SNX31: variants seen among roughly 807,000 people sequenced by gnomAD.
SNX31 encodes sorting nexin-31.
Under a neutral mutation model 65.4 loss-of-function variants are expected in SNX31, and 58 were observed. The ratio of observed to expected loss-of-function variants is 0.89; its 90% CI spans 0.72 to 1.10. SNX31 has a LOEUF of 1.10. Among genes scored for constraint, SNX31 ranks in the 50% least tolerant of loss-of-function variants. The probability of loss-of-function intolerance (pLI) is 0.00; values close to 1 mark genes in which losing one functional copy is unlikely to be tolerated. For missense variants in SNX31, 523 were observed against 529.7 expected (o/e 0.99, Z 0.12); for synonymous variants, 181 against 190.1 (o/e 0.95, Z 0.39).
intron 4 of SNX31, among the ~76,000 whole-genome samples, chr8:100,621,544 T>C (rs1230158816): frequency 6.6e-6 from 1 of 152,210 alleles, no homozygotes; most frequent in Non-Finnish European, 1.5e-5. Context: ...TGAGACCATC[T>C]CCATCTTACC....
chr8:100,635,461 G>C (rs1432146276), intron 3 of SNX31, among the ~76,000 whole-genome samples: 1 of 144,862 alleles, frequency 6.9e-6, no homozygotes, highest in Non-Finnish European at 1.5e-5. Flanking sequence ...GGCTGGTCTT[G>C]AACTCCTGGC....
At chr8:100,581,311 T>TTATATATATATATA (rs1554570412) in intron 12 of SNX31, among the ~76,000 whole-genome samples, 2 of 122,686 alleles carry the variant, frequency 1.6e-5, no homozygotes, top group African/African-American at 9.3e-5. Flanking sequence ...AAAAAATTTT[T>TTATATATATATATA]TATATATCTA....
At chr8:100,615,939 T>C (rs1323351496) in intron 5 of SNX31, among the ~76,000 whole-genome samples, 2 of 151,940 alleles carry the variant, frequency 1.3e-5, no homozygotes, top group Non-Finnish European at 2.9e-5. Context: ...CCGGCTAATT[T>C]TTTTTTTGTA....
At chr8:100,627,531 C>T in intron 4 of SNX31, among the ~76,000 whole-genome samples, 1 of 152,242 alleles carries the variant, frequency 6.6e-6, no homozygotes, top group Admixed American at 6.5e-5. Context: ...TCTAAAAGAG[C>T]AACGTCAATT....
intron 10 of SNX31, among the ~76,000 whole-genome samples, chr8:100,589,511 GA>G (rs1349968451): frequency 6.6e-6 from 1 of 152,174 alleles, no homozygotes; most frequent in East Asian, 1.9e-4. Context: ...GAGGGCAAAG[GA>G]AGACTTCCTG....
In SNX31 at chr8:100,622,169, T is replaced by TC. The variant is rs1209527988; in HGVS notation, c.322-4440dup. Among the ~76,000 whole-genome samples the TC allele has an allele frequency of 6.6e-6, 1 of 152,224 alleles. No homozygotes were observed. The highest frequency in any genetic ancestry group is 2.4e-5 in the African/African-American group (1 of 41,456). ...TTGTAGAATGTTGTTGGCTTTTTTT[T>TC]CACGCTTAATTAGTTTAAAGCCAGG... On this transcript the variant is annotated intron_variant, in intron 4 of 13. Transcript: ENST00000311812. The surrounding 1 kb of genome is among the most constrained non-coding windows in gnomAD (Gnocchi z 5.0).
At chr8:100,636,047 G>GCC (rs767232123) in intron 2 of SNX31, 36 bp from the exon 3 acceptor site, 1 of 1,511,748 alleles carries the variant, frequency 6.6e-7, no homozygotes, top group South Asian at 1.1e-5. Flanking sequence ...AGGCAGGTGA[G>GCC]CCGCCAGTTC....
rs1260789037 is a variant in SNX31 at position 100,575,721 on chromosome 8, T to C, written c.1227+1298A>G. On this transcript the variant is annotated intron_variant, in intron 13 of 13. Transcript: ENST00000311812. This position sits in a 1 kb window ranked among gnomAD's most constrained non-coding sequence, Gnocchi z 5.1. ...ATCCACGTGATACAGATGCTGTTGG[T>C]CCAGGGACCACACACTGAGAACTGG... Among the ~76,000 whole-genome samples, 1 of 152,224 alleles carries C rather than the reference T, an allele frequency of 6.6e-6. No individual in the cohort carries two copies. Among genetic ancestry groups the C allele is most frequent in the Non-Finnish European group, 1.5e-5 (1 of 68,034 alleles).
intron 8 of SNX31, 41 bp downstream of exon 8, chr8:100,608,453 C>T (rs1173929254): frequency 1.9e-6 from 3 of 1,600,934 alleles, no homozygotes; most frequent in Non-Finnish European, 2.6e-6. Context: ...CCAACATGGC[C>T]TATGATCTAC....
rs1818345640 is a variant in SNX31, at chr8:100,630,551, A to G, written c.257-160T>C. 6.6e-6 allele frequency among the ~76,000 whole-genome samples: 1 copy of G among 152,166 alleles called. No individual in the cohort carries two copies. Among genetic ancestry groups the G allele is most frequent in the Non-Finnish European group, 1.5e-5 (1 of 68,020 alleles). On this transcript the variant is annotated intron_variant, in intron 3 of 13. Coordinates refer to ENST00000311812, the MANE Select transcript of SNX31 (RefSeq NM_152628.4). This position sits in a 1 kb window ranked among gnomAD's most constrained non-coding sequence, Gnocchi z 5.3. The stretch of plus-strand genomic sequence containing the variant: ...CTCTCAAATACAGGAAAACCCCCAA[A>G]GCTTGCCTCCTATAGGCAGCCTTAA...
rs1340267704 is a variant in SNX31 at position 100,594,089 on chromosome 8, G to A, written c.978+2550C>T. The stretch of plus-strand genomic sequence containing the variant: ...AGGCCGAAGCAGGCAGATTGTTTGA[G>A]GTCAGGAGTTTGAGACCAGCCAGGA... On this transcript the variant is annotated intron_variant, in intron 10 of 13. Transcript: ENST00000311812. The surrounding 1 kb of genome is among the most constrained non-coding windows in gnomAD (Gnocchi z 4.0). Among the ~76,000 whole-genome samples the A allele has an allele frequency of 6.6e-6, 1 of 152,016 alleles. No homozygotes were observed. Among genetic ancestry groups the A allele is most frequent in the Non-Finnish European group, 1.5e-5 (1 of 68,002 alleles).
rs1813279994 is a variant in SNX31, at chr8:100,578,962, T to C, written c.1171-1887A>G. On this transcript the variant is annotated intron_variant, in intron 12 of 13. Coordinates refer to ENST00000311812, the MANE Select transcript of SNX31 (RefSeq NM_152628.4). This position sits in a 1 kb window ranked among gnomAD's most constrained non-coding sequence, Gnocchi z 4.7. ...GTCTCAAACTCCTGACCTCAAGTGA[T>C]CCACCTGCCTCGGCCTCCCAAAGTG... Among the ~76,000 whole-genome samples, 1 of 152,124 alleles carries C rather than the reference T, an allele frequency of 6.6e-6. No individual in the cohort carries two copies. Among genetic ancestry groups the C allele is most frequent in the Non-Finnish European group, 1.5e-5 (1 of 68,008 alleles).
intron 1 of SNX31, among the ~76,000 whole-genome samples, chr8:100,659,308 G>A (rs561465085): frequency 8.3e-5 from 11 of 132,692 alleles, no homozygotes; most frequent in Non-Finnish European, 1.2e-4. Flanking sequence ...TCACACCACT[G>A]CCCTCCAGCC....
Position 100,613,049 on chromosome 8 carries a change from A to G in SNX31, c.469T>C (p.Leu157=). 1 of 1,614,050 alleles carries G rather than the reference A, an allele frequency of 6.2e-7. No homozygotes were observed. Among genetic ancestry groups the G allele is most frequent in the Non-Finnish European group, 8.5e-7 (1 of 1,179,980 alleles). The part of the protein sequence containing the change: ...SHKIGLCREL[L]GYFGLFLIRF... ...ATGAGAAAGAGGCCGAAGTAGCCCA[A>G]GAGCTCTCGACACAGTCCAATTTTG... Residue 157 remains leucine, a synonymous_variant, in exon 6 of 14, where the codon TTG becomes CTG. Coordinates refer to ENST00000311812, the MANE Select transcript of SNX31 (RefSeq NM_152628.4). The surrounding 1 kb of genome is among the most constrained non-coding windows in gnomAD (Gnocchi z 5.2).
intron 1 of SNX31, among the ~76,000 whole-genome samples, chr8:100,655,219 G>C (rs1020215383): frequency 2.0e-5 from 3 of 152,154 alleles, no homozygotes; most frequent in Non-Finnish European, 2.9e-5. Context: ...GGAGGGAAAG[G>C]CTTTCTGGAG....
chr8:100,615,166 C>T (rs1392219611), intron 5 of SNX31, among the ~76,000 whole-genome samples: 4 of 152,152 alleles, frequency 2.6e-5, no homozygotes, highest in African/African-American at 4.8e-5. Flanking sequence ...ATGATGTCAA[C>T]GTCTTGGGTC....
At chr8:100,598,577 A>G (rs982346028) in intron 9 of SNX31, among the ~76,000 whole-genome samples, 1 of 150,916 alleles carries the variant, frequency 6.6e-6, no homozygotes, top group East Asian at 1.9e-4. Flanking sequence ...GGCATTTGAC[A>G]TTCGATAAAA....
At position 100,629,995 on chromosome 8, in the gene SNX31, G is replaced by A. The variant is rs142776413; in HGVS notation, c.321+332C>T. Among the ~76,000 whole-genome samples the A allele has an allele frequency of 1.3e-5, 2 of 152,326 alleles. No homozygotes were observed. The highest frequency in any genetic ancestry group is 2.4e-5 in the African/African-American group (1 of 41,578). On this transcript the variant is annotated intron_variant, in intron 4 of 13. Coordinates refer to ENST00000311812, the MANE Select transcript of SNX31 (RefSeq NM_152628.4). This position sits in a 1 kb window ranked among gnomAD's most constrained non-coding sequence, Gnocchi z 5.1. ...CAGACATGTTATGGGAACCCTTAAT[G>A]ATAAAGGCTGTAGTTCTTGTACTGT...
At position 100,598,670 on chromosome 8, in the gene SNX31, G is replaced by A. The variant is rs562955151; in HGVS notation, c.774+1679C>T. Reference sequence around the variant, plus strand: ...CTCTACTTGAAAATTAGTTAAGATTGTACCTAAAAAAGACAATTTAACATA... The same window carrying A: ...CTCTACTTGAAAATTAGTTAAGATTATACCTAAAAAAGACAATTTAACATA... On this transcript the variant is annotated intron_variant, in intron 9 of 13. Coordinates refer to ENST00000311812, the MANE Select transcript of SNX31 (RefSeq NM_152628.4). Among the ~76,000 whole-genome samples, 6 of 149,908 alleles carry A rather than the reference G, an allele frequency of 4.0e-5. No homozygotes were observed. In the East Asian group the frequency reaches 1.2e-3, roughly 29 times the overall value.
Sources: allele counts gnomAD v4.1 joint callset (sites outside exome capture counted in the v4.1 genomes callset), GRCh38; gene constraint gnomAD v4.1.1; non-coding constraint Gnocchi (gnomAD v3.1); transcripts MANE v1.5; gene names NCBI Gene and HGNC (gene_info 2026-07-23, HGNC 2026-07-21).